The following TTC39B variants were observed in gnomAD, a reference collection of about 807,000 sequenced individuals.
TTC39B encodes tetratricopeptide repeat protein 39B.
TTC39B carries 92 observed loss-of-function variants against 96.6 expected under a neutral mutation model. That is an observed-to-expected ratio of 0.95 (90% CI 0.80 to 1.13). The LOEUF is 1.13. Ranked by LOEUF, TTC39B falls within the 50% of genes most tolerant of loss-of-function variation. The pLI is 0.00. For missense variants in TTC39B, 955 were observed against 809.3 expected (o/e 1.18, Z -2.18); for synonymous variants, 367 against 299.4 (o/e 1.23, Z -2.33).
chr9:15,230,823 A>G (rs1436559815), intron 2 of TTC39B, among the ~76,000 whole-genome samples: 5 of 152,116 alleles, frequency 3.3e-5, no homozygotes, highest in Non-Finnish European at 5.9e-5. Context: ...CATCTCTACT[A>G]AAAATACAAA....
chr9:15,259,186 AC>A (rs1822859205), intron 2 of TTC39B, among the ~76,000 whole-genome samples: 2 of 152,170 alleles, frequency 1.3e-5, no homozygotes, highest in South Asian at 4.1e-4. Context: ...AATATCCCTA[AC>A]CCCAAGATAC....
chr9:15,264,565 G>A (rs1823055999), intron 2 of TTC39B, among the ~76,000 whole-genome samples: 1 of 148,658 alleles, frequency 6.7e-6, no homozygotes, highest in African/African-American at 2.5e-5. Context: ...TGAGGCAGGA[G>A]AATTGCTTGA....
exon 4 of TTC39B, chr9:15,214,141 G>C (rs1428045232): frequency 1.9e-6 from 3 of 1,610,046 alleles, no homozygotes; most frequent in Non-Finnish European, 2.5e-6. Context: ...TAAATTACCA[G>C]GGGCGAAGCA....
At chr9:15,229,572 C>T (rs994639915) in intron 2 of TTC39B, among the ~76,000 whole-genome samples, 13 of 152,160 alleles carry the variant, frequency 8.5e-5, no homozygotes, top group Middle Eastern at 3.2e-3. Flanking sequence ...TTCCTCAGTT[C>T]TCCAAATGCT....
chr9:15,228,541 C>T lies in TTC39B; in HGVS notation c.276-2529G>A, dbSNP rs1277009555. Among the ~76,000 whole-genome samples the T allele has an allele frequency of 3.3e-5, 5 of 152,198 alleles. No individual in the cohort carries two copies. The East Asian group carries it at 7.7e-4, about 23-fold the overall frequency. ...CCTATACGAGCAAATGGAAACTCAA[C>T]TCACCGTAAACAGTAAAAACAAAAC... is the stretch of plus-strand genomic sequence containing the variant. On this transcript the variant is annotated intron_variant, in intron 2 of 19. Coordinates refer to ENST00000512701, the Ensembl canonical transcript of TTC39B.
At chr9:15,289,567 G>A (rs1046260613) in intron 1 of TTC39B, among the ~76,000 whole-genome samples, 2 of 152,184 alleles carry the variant, frequency 1.3e-5, no homozygotes, top group African/African-American at 2.4e-5. Flanking sequence ...AGAACTCCAT[G>A]TGTCTGCTAC....
intron 2 of TTC39B, among the ~76,000 whole-genome samples, chr9:15,240,726 T>C (rs1822000049): frequency 6.6e-6 from 1 of 152,186 alleles, no homozygotes; most frequent in African/African-American, 2.4e-5. Context: ...CCTCTCCACA[T>C]GAAGAAGTCA....
intron 17 of TTC39B, among the ~76,000 whole-genome samples, chr9:15,180,230 G>A (rs1259052612): frequency 2.0e-5 from 3 of 152,140 alleles, no homozygotes; most frequent in African/African-American, 7.2e-5. Flanking sequence ...ATGGCCCCAA[G>A]AGAAAAATCT....
At chr9:15,278,429 C>T (rs1307148603) in intron 1 of TTC39B, among the ~76,000 whole-genome samples, 1 of 152,144 alleles carries the variant, frequency 6.6e-6, no homozygotes, top group Non-Finnish European at 1.5e-5. Context: ...TTTTACTCTC[C>T]TGTGCATATT....
At chr9:15,251,700 C>CATATATATATATATATATATATATATAT (rs57422881) in intron 2 of TTC39B, among the ~76,000 whole-genome samples, 16 of 98,340 alleles carry the variant, frequency 1.6e-4, no homozygotes, top group Non-Finnish European at 2.4e-4. Flanking sequence ...CATACATATA[C>CATATATATATATATATATATATATATAT]ATATATATAT....
chr9:15,205,434 T>C (rs1411625935), intron 6 of TTC39B, among the ~76,000 whole-genome samples: 1 of 151,398 alleles, frequency 6.6e-6, no homozygotes, highest in Non-Finnish European at 1.5e-5. Flanking sequence ...TTCTCATAAA[T>C]TGGTTCAAGT....
intron 1 of TTC39B, among the ~76,000 whole-genome samples, chr9:15,272,981 T>C (rs1219633034): frequency 6.6e-6 from 1 of 152,180 alleles, no homozygotes; most frequent in Non-Finnish European, 1.5e-5. Context: ...GAAACTGCCA[T>C]CCTGATCGTA....
At position 15,306,365 on chromosome 9, in the gene TTC39B, T is replaced by A. The variant is rs78005533; in HGVS notation, c.240+719A>T. Reference sequence around the variant, plus strand: ...GCGCCACGACTGAAGGAGTGGCTAATTACTCAAACACAGTTGAAACCAAAG... The same window carrying A: ...GCGCCACGACTGAAGGAGTGGCTAAATACTCAAACACAGTTGAAACCAAAG... On this transcript the variant is annotated intron_variant, in intron 1 of 19. Coordinates refer to ENST00000512701, the Ensembl canonical transcript of TTC39B. The surrounding 1 kb of genome is among the most constrained non-coding windows in gnomAD (Gnocchi z 5.1). Among the ~76,000 whole-genome samples the A allele has an allele frequency of 5.4e-3, 826 of 152,266 alleles. 9 individuals carry two copies. Among genetic ancestry groups the A allele is most frequent in the South Asian group, 0.042 (201 of 4,828 alleles).
At chr9:15,215,143 T>C (rs1429928591) in intron 3 of TTC39B, among the ~76,000 whole-genome samples, 3 of 152,122 alleles carry the variant, frequency 2.0e-5, no homozygotes, top group African/African-American at 7.2e-5. Flanking sequence ...TAATCCCAGC[T>C]ACAGGCATTG....
chr9:15,165,198 T>G (rs1817495832), exon 20 of TTC39B: 1 of 152,082 alleles, frequency 6.6e-6, no homozygotes. Context: ...AATACAAAAA[T>G]TAGCCGGGTG....
intron 5 of TTC39B, 57 bp from the exon 6 acceptor site, chr9:15,210,221 C>G: frequency 8.2e-7 from 1 of 1,224,328 alleles, no homozygotes; most frequent in Non-Finnish European, 1.2e-6. Flanking sequence ...TCAGGCTGAG[C>G]TCATTTTCAT....
chr9:15,189,347 T>G (rs1321684766), intron 13 of TTC39B, among the ~76,000 whole-genome samples: 1 of 152,216 alleles, frequency 6.6e-6, no homozygotes, highest in Non-Finnish European at 1.5e-5. Flanking sequence ...CTTAATGTAC[T>G]CTATGTATAA....
At chr9:15,185,635 G>T (rs1344953125) in intron 15 of TTC39B, 2 of 454,386 alleles carry the variant, frequency 4.4e-6, no homozygotes, top group Non-Finnish European at 7.7e-6. Context: ...AGGTGATTCT[G>T]AGGCACACTC....
At chr9:15,302,411 T>A (rs1824624652) in intron 1 of TTC39B, among the ~76,000 whole-genome samples, 1 of 148,664 alleles carries the variant, frequency 6.7e-6, no homozygotes, top group Admixed American at 6.7e-5. Context: ...GGTCAGGAGT[T>A]CGAGACCAGC....
Sources: gnomAD v4.1 joint callset for allele counts (sites outside exome capture counted in the v4.1 genomes callset) on GRCh38, gnomAD v4.1.1 for gene constraint, Gnocchi (gnomAD v3.1) non-coding constraint, MANE v1.5 for transcripts, NCBI Gene and HGNC (gene_info 2026-07-23, HGNC 2026-07-21) for gene names.